LRP1B: variants seen among roughly 807,000 people sequenced by gnomAD.
The protein encoded by LRP1B is low-density lipoprotein receptor-related protein 1B.
A neutral mutation model predicts 556.6 loss-of-function variants in LRP1B; 217 were observed. The ratio of observed to expected loss-of-function variants is 0.39; its 90% CI spans 0.35 to 0.44. The LOEUF is 0.44. LRP1B is among the 20% of genes least tolerant of loss of function. The probability of loss-of-function intolerance (pLI) is 1.00; values close to 1 mark genes in which losing one functional copy is unlikely to be tolerated. For missense variants in LRP1B, 5,053 were observed against 5,620.8 expected (o/e 0.90, Z 3.23); for synonymous variants, 2,047 against 1,865.8 (o/e 1.10, Z -2.50).
intron 2 of LRP1B, among the ~76,000 whole-genome samples, chr2:141,714,006 A>T (rs1316372990): frequency 6.6e-6 from 1 of 152,112 alleles, no homozygotes; most frequent in Non-Finnish European, 1.5e-5. Flanking sequence ...AGTGATACTT[A>T]TCAGCTGAGT....
At chr2:141,279,332 G>T (rs1011976230) in intron 3 of LRP1B, among the ~76,000 whole-genome samples, 12 of 152,036 alleles carry the variant, frequency 7.9e-5, no homozygotes, top group African/African-American at 2.7e-4. Context: ...CATGATGCAG[G>T]TTGCAAAATT....
intron 5 of LRP1B, among the ~76,000 whole-genome samples, chr2:141,246,755 A>T (rs747626759): frequency 5.9e-5 from 9 of 152,192 alleles, no homozygotes; most frequent in Non-Finnish European, 1.3e-4. Context: ...GCCTGAGGCC[A>T]GGAGTTTGAG....
chr2:141,587,521 T>A (rs889709682), intron 2 of LRP1B, among the ~76,000 whole-genome samples: 2 of 152,162 alleles, frequency 1.3e-5, no homozygotes, highest in African/African-American at 2.4e-5. Flanking sequence ...TGTACATTAT[T>A]TTCTCAATAA....
intron 2 of LRP1B, among the ~76,000 whole-genome samples, chr2:141,758,050 A>G (rs906834010): frequency 6.6e-6 from 1 of 152,236 alleles, no homozygotes; most frequent in Non-Finnish European, 1.5e-5. Context: ...AGCTGCATTT[A>G]CAAATTATGC....
chr2:141,920,279 T>G (rs373180908), intron 1 of LRP1B, among the ~76,000 whole-genome samples: 9,120 of 97,870 alleles, frequency 0.093, 505 homozygotes, highest in East Asian at 0.14. Flanking sequence ...TCTTTTTTTT[T>G]GGGGGGGGGT....
At chr2:140,315,755 C>A (rs561676013) in intron 82 of LRP1B, among the ~76,000 whole-genome samples, 16 of 152,252 alleles carry the variant, frequency 1.1e-4, no homozygotes, top group African/African-American at 3.8e-4. Context: ...AGCATATGCA[C>A]ACACATACAC....
intron 3 of LRP1B, among the ~76,000 whole-genome samples, chr2:141,353,647 C>A (rs1486143249): frequency 6.6e-6 from 1 of 151,812 alleles, no homozygotes; most frequent in Admixed American, 6.6e-5. Context: ...TCTAAGTTAC[C>A]ATAAAACAGT....
chr2:140,856,736 GATACACACACACACACACAC>G (rs748604239), intron 27 of LRP1B, among the ~76,000 whole-genome samples: 1 of 128,878 alleles, frequency 7.8e-6, no homozygotes. Context: ...AACTAAGAGA[GATACACACACACACACACAC>G]ACACACACAC....
intron 1 of LRP1B, among the ~76,000 whole-genome samples, chr2:141,872,946 G>C (rs1698637266): frequency 6.6e-6 from 1 of 151,932 alleles, no homozygotes; most frequent in Non-Finnish European, 1.5e-5. Flanking sequence ...AGAATTCAGG[G>C]AATACTGAAG....
At chr2:141,454,334 A>C (rs1431293689) in intron 3 of LRP1B, among the ~76,000 whole-genome samples, 2 of 152,160 alleles carry the variant, frequency 1.3e-5, no homozygotes, top group African/African-American at 4.8e-5. Flanking sequence ...AATTGCACAA[A>C]GTTTCCCTCC....
At chr2:141,074,589 C>CTCTCTCTATATATA (rs10643830) in intron 7 of LRP1B, among the ~76,000 whole-genome samples, 3 of 136,476 alleles carry the variant, frequency 2.2e-5, no homozygotes, top group South Asian at 2.3e-4. Context: ...CTCTCTCTCT[C>CTCTCTCTATATATA]TATATATATA....
intron 87 of LRP1B, among the ~76,000 whole-genome samples, chr2:140,244,291 A>T (rs1400947669): frequency 6.6e-6 from 1 of 151,354 alleles, no homozygotes; most frequent in Non-Finnish European, 1.5e-5. Context: ...AATGATAAAG[A>T]CAAAGTAGCA....
chr2:141,521,437 C>A (rs547792510), intron 2 of LRP1B, among the ~76,000 whole-genome samples: 1 of 151,480 alleles, frequency 6.6e-6, no homozygotes, highest in African/African-American at 2.4e-5. Flanking sequence ...CTTTTTTCTC[C>A]CTGTTAATTT....
intron 3 of LRP1B, among the ~76,000 whole-genome samples, chr2:141,315,690 A>G (rs1023864462): frequency 6.6e-6 from 1 of 151,998 alleles, no homozygotes; most frequent in Non-Finnish European, 1.5e-5. Context: ...ATGAACTAAC[A>G]GAAGATTCTC....
At chr2:140,858,223 G>C (rs925347631) in intron 27 of LRP1B, among the ~76,000 whole-genome samples, 7 of 152,062 alleles carry the variant, frequency 4.6e-5, no homozygotes, top group African/African-American at 1.4e-4. Context: ...GAATTATCTG[G>C]CCCAAAATAT....
chr2:140,341,907 C>T (rs1396441072), intron 77 of LRP1B, among the ~76,000 whole-genome samples: 1 of 151,124 alleles, frequency 6.6e-6, no homozygotes, highest in Non-Finnish European at 1.5e-5. Flanking sequence ...GGTGGATAGA[C>T]AAAACCAGAG....
At chr2:141,936,357 A>T (rs145064945) in intron 1 of LRP1B, among the ~76,000 whole-genome samples, 2 of 152,324 alleles carry the variant, frequency 1.3e-5, no homozygotes, top group African/African-American at 4.8e-5. Context: ...GATCACAATA[A>T]ATATGATAGT....
chr2:140,748,266 C>T (rs1688397315), intron 35 of LRP1B, among the ~76,000 whole-genome samples: 1 of 102,396 alleles, frequency 9.8e-6, no homozygotes, highest in Admixed American at 1.1e-4. Context: ...TATATATTTT[C>T]ATATTTAATA....
chr2:141,988,867 C>T (rs1702270553), intron 1 of LRP1B, among the ~76,000 whole-genome samples: 2 of 152,010 alleles, frequency 1.3e-5, no homozygotes, highest in South Asian at 4.1e-4. Flanking sequence ...AGCATTTTCT[C>T]ATATCATTAC....
Sources: gnomAD v4.1 joint callset for allele counts (sites outside exome capture counted in the v4.1 genomes callset) on GRCh38, gnomAD v4.1.1 for gene constraint, MANE v1.5 for transcripts, NCBI Gene and HGNC (gene_info 2026-07-23, HGNC 2026-07-21) for gene names.